GNAO1: variants seen among roughly 807,000 people sequenced by gnomAD.
GNAO1 encodes G protein subunit alpha o1.
For synonymous variants in GNAO1, 164 were observed against 180.7 expected, an observed-to-expected ratio of 0.91 and a Z score of 0.74; for missense variants, 166 against 478.7, an observed-to-expected ratio of 0.35 and a Z score of 6.10.
At chr16:56,286,364 TGGC>T (rs2037167623) in intron 3 of GNAO1, among the ~76,000 whole-genome samples, 14 of 152,278 alleles carry the variant, frequency 9.2e-5, no homozygotes, top group African/African-American at 3.4e-4. Flanking sequence ...ACTGGCAAAC[TGGC>T]TTATTCAAAC....
intron 2 of GNAO1, among the ~76,000 whole-genome samples, chr16:56,223,173 G>C (rs146868272): frequency 7.7e-4 from 117 of 152,310 alleles, no homozygotes; most frequent in African/African-American, 2.2e-3. Flanking sequence ...GGGCTTCTAG[G>C]GGGGAGAATC....
chr16:56,344,150 CT>C, intron 6 of GNAO1: 9 of 1,437,010 alleles, frequency 6.3e-6, no homozygotes, highest in Non-Finnish European at 8.2e-6. Context: ...CGGGGCGGGG[CT>C]GCTGAGTGCA....
intron 6 of GNAO1, among the ~76,000 whole-genome samples, chr16:56,350,624 T>C (rs558247927): frequency 1.3e-5 from 2 of 152,134 alleles, no homozygotes; most frequent in African/African-American, 4.8e-5. Context: ...CAGTGTCAGA[T>C]GCAGCTGAGT....
At chr16:56,201,798 A>C (rs2036284115) in intron 2 of GNAO1, among the ~76,000 whole-genome samples, 1 of 152,244 alleles carries the variant, frequency 6.6e-6, no homozygotes, top group South Asian at 2.1e-4. Flanking sequence ...GGTGGATGGT[A>C]GTTAAATGCA....
chr16:56,351,629 G>C lies in GNAO1; in HGVS notation c.877+92G>C. ...AGGCTGCTCGGCCAGCACTGCTGGG[G>C]CTAGCTGGCGAGCGGGACCCATTGC... On this transcript the variant is annotated intron_variant, in intron 7 of 8. Transcript: ENST00000262493. The surrounding 1 kb of genome is among the most constrained non-coding windows in gnomAD (Gnocchi z 6.1). 1.0e-6 allele frequency: 1 copy of C among 1,002,836 alleles called. No homozygotes were observed. Among genetic ancestry groups the C allele is most frequent in the Non-Finnish European group, 1.5e-6 (1 of 662,946 alleles). 62.1% of individuals were successfully genotyped at this position (1,002,836 alleles called of 1,614,324 possible).
intron 2 of GNAO1, among the ~76,000 whole-genome samples, chr16:56,208,651 A>G (rs2036355549): frequency 6.6e-6 from 1 of 152,186 alleles, no homozygotes; most frequent in Admixed American, 6.5e-5. Context: ...GGTACTGTCC[A>G]ATTTTTTCAA....
intron 2 of GNAO1, among the ~76,000 whole-genome samples, chr16:56,234,770 A>G (rs2036621682): frequency 6.6e-6 from 1 of 152,098 alleles, no homozygotes; most frequent in Non-Finnish European, 1.5e-5. Context: ...TTGGGCATGC[A>G]GGGGGCCCTT....
intron 2 of GNAO1, among the ~76,000 whole-genome samples, chr16:56,250,475 G>A (rs1285123402): frequency 6.6e-6 from 1 of 152,176 alleles, no homozygotes; most frequent in Non-Finnish European, 1.5e-5. Context: ...GGTTTAGTTG[G>A]GTGGCTCTTG....
chr16:56,264,992 G>A (rs1472269213), intron 2 of GNAO1, among the ~76,000 whole-genome samples: 2 of 152,088 alleles, frequency 1.3e-5, no homozygotes, highest in Non-Finnish European at 2.9e-5. Context: ...GGATCCATTT[G>A]TGCCCAAGTT....
chr16:56,340,708 C>A, intron 6 of GNAO1: 1 of 802,632 alleles, frequency 1.2e-6, no homozygotes, highest in South Asian at 1.6e-5. Context: ...TGGTGGTCTC[C>A]GTCCCGGTGG....
At chr16:56,225,126 A>G (rs1412198518) in intron 2 of GNAO1, among the ~76,000 whole-genome samples, 3 of 152,264 alleles carry the variant, frequency 2.0e-5, no homozygotes, top group Non-Finnish European at 2.9e-5. Flanking sequence ...CAAGGCAGCC[A>G]CAGGAAAAGC....
At chr16:56,353,021 G>A (rs1290886477) in intron 7 of GNAO1, 1 of 152,622 alleles carries the variant, frequency 6.6e-6, no homozygotes, top group African/African-American at 2.4e-5. Flanking sequence ...AGTGCTGGCT[G>A]TGGCTGCCAT....
intron 2 of GNAO1, among the ~76,000 whole-genome samples, chr16:56,268,176 T>G (rs947534176): frequency 6.6e-6 from 1 of 152,206 alleles, no homozygotes; most frequent in African/African-American, 2.4e-5. Flanking sequence ...ACTATTTCTG[T>G]GTGGGCTCTA....
At chr16:56,283,325 G>T (rs7200249) in intron 3 of GNAO1, among the ~76,000 whole-genome samples, 5,563 of 152,280 alleles carry the variant, frequency 0.037, 137 homozygotes, top group South Asian at 0.054. Context: ...CTAAGCAGGA[G>T]GAAAGATGGG....
chr16:56,322,917 A>G (rs190931100), intron 3 of GNAO1, among the ~76,000 whole-genome samples: 2 of 152,130 alleles, frequency 1.3e-5, no homozygotes, highest in Admixed American at 6.5e-5. Flanking sequence ...CTGAGCACCA[A>G]CTCTCTACCA....
chr16:56,242,222 T>C (rs2036700208), intron 2 of GNAO1, among the ~76,000 whole-genome samples: 1 of 151,926 alleles, frequency 6.6e-6, no homozygotes. Context: ...ATGAAAAAAA[T>C]GTTAATATTT....
intron 2 of GNAO1, among the ~76,000 whole-genome samples, chr16:56,240,406 A>G (rs1488778300): frequency 6.6e-6 from 1 of 152,096 alleles, no homozygotes; most frequent in Non-Finnish European, 1.5e-5. Context: ...AGGCAGTGTG[A>G]ACACCAGGGA....
chr16:56,251,867 G>C (rs2036802763), intron 2 of GNAO1, among the ~76,000 whole-genome samples: 1 of 152,162 alleles, frequency 6.6e-6, no homozygotes, highest in Non-Finnish European at 1.5e-5. Context: ...ATCAAGAGCT[G>C]GCTCCAGAGT....
chr16:56,312,792 C>T (rs905804573), intron 3 of GNAO1, among the ~76,000 whole-genome samples: 3 of 152,186 alleles, frequency 2.0e-5, no homozygotes, highest in African/African-American at 4.8e-5. Flanking sequence ...CACGTGCCAC[C>T]GCTCTGTGAG....
Sources: gnomAD v4.1 joint callset for allele counts (sites outside exome capture counted in the v4.1 genomes callset) on GRCh38, gnomAD v4.1.1 for gene constraint, Gnocchi (gnomAD v3.1) non-coding constraint, MANE v1.5 for transcripts, NCBI Gene and HGNC (gene_info 2026-07-23, HGNC 2026-07-21) for gene names.